Variants in GIPR observed in about 807,000 individuals in gnomAD.
GIPR encodes gastric inhibitory polypeptide receptor.
In GIPR, 74 loss-of-function variants were observed where a neutral mutation model predicts 62.2. The observed-to-expected ratio is 1.19, with a 90% CI of 0.99 to 1.44. The LOEUF (loss-of-function observed/expected upper bound fraction) is 1.44, where lower values mean the gene tolerates loss of function less well. GIPR is among the 40% of genes most tolerant of loss of function. The pLI, the probability that GIPR is intolerant of heterozygous loss-of-function variation, is 0.00. For missense variants in GIPR, 664 were observed against 611.8 expected, an observed-to-expected ratio of 1.09 and a Z score of -0.90; for synonymous variants, 256 against 262.2, an observed-to-expected ratio of 0.98 and a Z score of 0.23.
intron 12 of GIPR, among the ~76,000 whole-genome samples, chr19:45,679,020 A>G (rs1177523951): frequency 1.3e-5 from 2 of 152,162 alleles, no homozygotes; most frequent in Non-Finnish European, 2.9e-5. Flanking sequence ...TAAAGTGGGG[A>G]AAATACTAGT....
chr19:45,670,460 T>G, intron 2 of GIPR, 175 bp from the exon 3 acceptor site: 1 of 540,506 alleles, frequency 1.9e-6, no homozygotes, highest in Non-Finnish European at 3.4e-6. Context: ...CTCCAGTGGG[T>G]GGCTTCCAGG....
Position 45,681,879 on chromosome 19 carries a change from G to T in GIPR, c.1345G>T (p.Gly449Trp). The part of the protein sequence containing the change: ...EVPTSRGLSS[G>W]TLPGPGNEAS... ...CCCCACCAGCCGCGGCTTGTCCTCGGGGACCCTCCCAGGGCCTGGGAATGA... is the reference window on the plus strand; with the variant it reads ...CCCCACCAGCCGCGGCTTGTCCTCGTGGACCCTCCCAGGGCCTGGGAATGA... Residue 449 changes from glycine to tryptophan, a missense_variant, in exon 14 of 14, where the codon GGG (glycine) becomes TGG (tryptophan). By Grantham distance (184) the Gly-to-Trp change is radical. Transcript: ENST00000590918. The T allele has an allele frequency of 6.4e-7, 1 of 1,556,796 alleles. No individual in the cohort carries two copies. Among genetic ancestry groups the T allele is most frequent in the East Asian group, 2.4e-5 (1 of 41,930 alleles).
chr19:45,674,163 C>G lies in GIPR; in HGVS notation c.474C>G (p.Ile158Met). 1 of 1,611,588 alleles carries G rather than the reference C, an allele frequency of 6.2e-7. No individual in the cohort carries two copies. Among genetic ancestry groups the G allele is most frequent in the Non-Finnish European group, 8.5e-7 (1 of 1,177,690 alleles). The change falls in exon 6 of 14, where the codon ATC becomes ATG. Residue 158 changes from isoleucine (I) to methionine (M), a missense_variant. Coordinates refer to ENST00000590918, the MANE Select transcript of GIPR (RefSeq NM_000164.4). ...SLATLLLALLILSLFRRLHCT... is the reference protein window; with the variant it reads ...SLATLLLALLMLSLFRRLHCT... ...CCACACTGCTGCTAGCCCTGCTCAT[C>G]TTGAGTTTGTTCAGGTGGGACCTTA...
intron 12 of GIPR, among the ~76,000 whole-genome samples, chr19:45,680,038 G>A (rs1483748433): frequency 6.6e-6 from 1 of 152,040 alleles, no homozygotes; most frequent in African/African-American, 2.4e-5. Flanking sequence ...CCAAAGCGCC[G>A]GGATTACAGG....
intron 6 of GIPR, 59 bp downstream of exon 6, chr19:45,674,236 A>G: frequency 9.3e-7 from 1 of 1,076,318 alleles, no homozygotes; most frequent in Non-Finnish European, 1.4e-6. Flanking sequence ...CAGTTTGTCC[A>G]GTAAGATGGG....
chr19:45,676,701 T>C (rs1966943513), intron 7 of GIPR, among the ~76,000 whole-genome samples: 1 of 152,178 alleles, frequency 6.6e-6, no homozygotes, highest in African/African-American at 2.4e-5. Context: ...CCTAAAGTGC[T>C]GGGATTACAG....
chr19:45,677,169 C>T, intron 8 of GIPR, 61 bp downstream of exon 8: 1 of 1,562,272 alleles, frequency 6.4e-7, no homozygotes, highest in Non-Finnish European at 8.8e-7. Context: ...CCCCCAACTG[C>T]CCTGCTGGTT....
intron 4 of GIPR, among the ~76,000 whole-genome samples, chr19:45,671,911 C>G (rs1448070074): frequency 6.6e-6 from 1 of 151,708 alleles, no homozygotes; most frequent in Non-Finnish European, 1.5e-5. Context: ...CATGAGCCAC[C>G]GCGCCCGGCC....
chr19:45,681,146 G>A (rs766742902), intron 12 of GIPR, among the ~76,000 whole-genome samples: 251 of 152,162 alleles, frequency 1.6e-3, no homozygotes, highest in Non-Finnish European at 2.6e-3. Flanking sequence ...TTAGGACCAC[G>A]GTGGCGGTAG....
intron 4 of GIPR, among the ~76,000 whole-genome samples, chr19:45,671,875 G>T (rs1183417492): frequency 1.3e-5 from 2 of 151,882 alleles, no homozygotes; most frequent in Non-Finnish European, 2.9e-5. Flanking sequence ...GCCGGCCTTG[G>T]CTTCCCAAAG....
rs986768093 is a variant in GIPR, at chr19:45,674,233, T to C, written c.488+56T>C. ...GAGATGTGAGCTCGGCCTCAGTTTG[T>C]CCAGTAAGATGGGGTGGTCTGTTTC... On this transcript the variant is annotated intron_variant, in intron 6 of 13. Coordinates refer to ENST00000590918, the MANE Select transcript of GIPR (RefSeq NM_000164.4). The C allele has an allele frequency of 6.4e-6, 7 of 1,094,348 alleles. No individual in the cohort carries two copies. The Admixed American group carries it at 1.2e-4, about 18-fold the overall frequency. 67.8% of individuals were successfully genotyped at this position (1,094,348 alleles called of 1,614,324 possible).
intron 8 of GIPR, 35 bp from the exon 9 acceptor site, chr19:45,677,288 G>T: frequency 6.8e-7 from 1 of 1,469,710 alleles, no homozygotes; most frequent in Non-Finnish European, 9.2e-7. Context: ...TGACAGCTGC[G>T]GCGGGGTGGG....
At chr19:45,673,575 TA>T (rs1327934984) in intron 5 of GIPR, among the ~76,000 whole-genome samples, 6 of 150,574 alleles carry the variant, frequency 4.0e-5, no homozygotes, top group Non-Finnish European at 8.9e-5. Flanking sequence ...ACAAAAAATA[TA>T]AAAATTTGGC....
At chr19:45,670,826 T>C in intron 3 of GIPR, 92 bp downstream of exon 3, 1 of 782,234 alleles carries the variant, frequency 1.3e-6, no homozygotes, top group South Asian at 1.7e-5. Context: ...GGGGAAGAAA[T>C]CTCGGGGCGC....
Position 45,669,625 on chromosome 19 carries a change from C to T in GIPR, c.72+33C>T. The T allele has an allele frequency of 1.9e-6, 3 of 1,555,248 alleles. No individual in the cohort carries two copies. In the South Asian group the frequency reaches 3.5e-5, roughly 18 times the overall value. ...AGCGAGGAGCCAGAGGAGCTCCAGG[C>T]TTGGAGGGAGGTATGGGGACGGTTT... On this transcript the variant is annotated intron_variant, in intron 2 of 13. Transcript: ENST00000590918.
chr19:45,671,218 G>A, intron 3 of GIPR, 67 bp from the exon 4 acceptor site: 1 of 908,854 alleles, frequency 1.1e-6, no homozygotes, highest in Non-Finnish European at 1.8e-6. Context: ...TTGGCCCACT[G>A]CGCAGTAGCA....
intron 1 of GIPR, among the ~76,000 whole-genome samples, chr19:45,669,185 C>T (rs1384856937): frequency 6.6e-6 from 1 of 152,156 alleles, no homozygotes; most frequent in Non-Finnish European, 1.5e-5. Flanking sequence ...GGCAACCGCC[C>T]GCTCAGCAAA....
chr19:45,670,606 G>T (rs551515236), intron 2 of GIPR, 29 bp from the exon 3 acceptor site: 2 of 1,531,766 alleles, frequency 1.3e-6, no homozygotes, highest in Non-Finnish European at 1.8e-6. Flanking sequence ...GGTCGGTCTG[G>T]GGGGGTCCTC....
Position 45,670,683 on chromosome 19 carries a change from C to T in GIPR, c.121C>T (p.Arg41Trp), listed in dbSNP as rs767963853. 164 of 1,613,054 alleles carry T rather than the reference C, an allele frequency of 1.0e-4. No individual in the cohort carries two copies. The highest frequency in any genetic ancestry group is 1.4e-4 in the Non-Finnish European group (161 of 1,179,712). The change falls in exon 3 of 14, where the codon CGG becomes TGG. Residue 41 changes from arginine (R) to tryptophan (W), a missense_variant. Arg to Trp is a moderately radical substitution (Grantham distance 101, BLOSUM62 -3). Coordinates refer to ENST00000590918, the MANE Select transcript of GIPR (RefSeq NM_000164.4). ...GGGGGAGCTGTACCAGCGCTGGGAA[C>T]GGTACCGCAGGGAGTGCCAGGAGAC... ...TAGELYQRWE[R>W]YRRECQETLA...
Sources: allele counts gnomAD v4.1 joint callset (sites outside exome capture counted in the v4.1 genomes callset), GRCh38; gene constraint gnomAD v4.1.1; transcripts MANE v1.5; gene names NCBI Gene and HGNC (gene_info 2026-07-23, HGNC 2026-07-21).